TPO: variants seen among roughly 807,000 people sequenced by gnomAD.
The protein encoded by TPO is thyroid microsomal antigen.
Under a neutral mutation model 96.9 loss-of-function variants are expected in TPO, and 78 were observed. That is an observed-to-expected ratio of 0.81 (90% CI 0.67 to 0.97). TPO has a LOEUF of 0.97. TPO is among the 50% of genes least tolerant of loss of function. The probability of loss-of-function intolerance (pLI) is 0.00; values close to 1 mark genes in which losing one functional copy is unlikely to be tolerated. For missense variants in TPO, 1,252 were observed against 1,274.8 expected (o/e 0.98, Z 0.27); for synonymous variants, 547 against 538.0 (o/e 1.02, Z -0.23).
At chr2:1,374,242 G>A (rs1418194742) in exon 1 of TPO, 1 of 152,196 alleles carries the variant, frequency 6.6e-6, no homozygotes, top group Non-Finnish European at 1.5e-5. Context: ...TACAAGGATT[G>A]AAGGCAATGG....
In TPO at chr2:1,533,873, C is replaced by A. The variant is rs1397789429; in HGVS notation, c.2619-6721C>A. On this transcript the variant is annotated intron_variant, in intron 15 of 16. Coordinates refer to ENST00000329066, the MANE Select transcript of TPO (RefSeq NM_001206744.2). ...TAGCTTTGTGAAACCTCCCCAAATC[C>A]CCCCCACTCTGTGTGCAACCTCCCC... Among the ~76,000 whole-genome samples, 2 of 103,566 alleles carry A rather than the reference C, an allele frequency of 1.9e-5. 1 individual carries two copies. Among genetic ancestry groups the A allele is most frequent in the Non-Finnish European group, 4.1e-5 (2 of 48,620 alleles). 67.9% of individuals were successfully genotyped at this position (103,566 alleles called of 152,430 possible). A position where few individuals can be genotyped will look rare whatever the true frequency, so the allele number is the denominator to read the frequency against.
At chr2:1,457,607 T>C (rs111595513) in intron 7 of TPO, among the ~76,000 whole-genome samples, 8 of 150,428 alleles carry the variant, frequency 5.3e-5, no homozygotes, top group African/African-American at 4.9e-5. Context: ...ATGTAGCATG[T>C]ATGATAGTGT....
chr2:1,437,750 G>A (rs569741692), intron 5 of TPO, among the ~76,000 whole-genome samples: 6 of 152,282 alleles, frequency 3.9e-5, no homozygotes, highest in South Asian at 2.1e-4. Flanking sequence ...GCGGAGCCCC[G>A]GCTGGAAGAG....
At chr2:1,522,640 C>G (rs1004455828) in intron 15 of TPO, among the ~76,000 whole-genome samples, 10 of 152,110 alleles carry the variant, frequency 6.6e-5, no homozygotes, top group Non-Finnish European at 1.3e-4. Context: ...AATACTCCCT[C>G]CTTATCATCT....
intron 1 of TPO, among the ~76,000 whole-genome samples, chr2:1,378,732 G>A (rs1000909942): frequency 3.9e-5 from 6 of 152,200 alleles, no homozygotes; most frequent in Admixed American, 1.3e-4. Flanking sequence ...TGGGAATGCC[G>A]TGCACCCGGC....
intron 3 of TPO, 106 bp from the exon 4 acceptor site, chr2:1,433,331 TG>T: frequency 1.4e-6 from 2 of 1,424,618 alleles, no homozygotes; most frequent in Non-Finnish European, 1.9e-6. Context: ...TCACATTGTC[TG>T]GGACACAGTA....
intron 15 of TPO, among the ~76,000 whole-genome samples, chr2:1,536,995 A>ACCT (rs1553341591): frequency 1.5e-4 from 5 of 34,184 alleles, no homozygotes; most frequent in African/African-American, 5.4e-4. Context: ...ACTGTGTGCA[A>ACCT]CCTCAAATCC....
chr2:1,510,112 A>C (rs1673942010), intron 14 of TPO, among the ~76,000 whole-genome samples: 1 of 152,198 alleles, frequency 6.6e-6, no homozygotes, highest in African/African-American at 2.4e-5. Flanking sequence ...CTTCCTTTCA[A>C]ACCAGAGCAC....
chr2:1,384,594 G>A (rs1661858553), intron 1 of TPO, among the ~76,000 whole-genome samples: 1 of 152,156 alleles, frequency 6.6e-6, no homozygotes, highest in African/African-American at 2.4e-5. Context: ...TTGCTTATCA[G>A]CTTAAGGAGA....
chr2:1,446,106 C>T (rs2148548868), intron 5 of TPO, among the ~76,000 whole-genome samples: 1 of 152,266 alleles, frequency 6.6e-6, no homozygotes, highest in South Asian at 2.1e-4. Flanking sequence ...CATGGGCCTG[C>T]ACCCCCAGAT....
At chr2:1,529,367 C>T (rs1677460043) in intron 15 of TPO, among the ~76,000 whole-genome samples, 1 of 88,358 alleles carries the variant, frequency 1.1e-5, no homozygotes, top group Non-Finnish European at 2.1e-5. Flanking sequence ...AATCCCCCCA[C>T]TATGTGCAAC....
chr2:1,433,656 G>A (rs2148491335), intron 4 of TPO, 49 bp downstream of exon 4: 2 of 1,589,940 alleles, frequency 1.3e-6, no homozygotes, highest in East Asian at 2.3e-5. Context: ...CCCGAAGGAG[G>A]ACACCTTGAC....
chr2:1,482,086 A>G lies in TPO; in HGVS notation c.1339-2510A>G, dbSNP rs143163639. 2.8e-3 allele frequency among the ~76,000 whole-genome samples: 423 copies of G among 152,286 alleles called. 1 individual carries two copies. Among genetic ancestry groups the G allele is most frequent in the Non-Finnish European group, 5.1e-3 (350 of 68,024 alleles). ...ATAGGGCATGTTTGAGAAAATGCTG[A>G]GTGATGTTCTGCGTAGAGCAGGGTA... is the stretch of plus-strand genomic sequence containing the variant. On this transcript the variant is annotated intron_variant, in intron 8 of 16. Coordinates refer to ENST00000329066, the MANE Select transcript of TPO (RefSeq NM_001206744.2).
chr2:1,394,427 G>T (rs1263956871), intron 1 of TPO, among the ~76,000 whole-genome samples: 2 of 152,326 alleles, frequency 1.3e-5, no homozygotes, highest in East Asian at 3.9e-4. Context: ...AATACGGGCT[G>T]GCCCAGCCAC....
chr2:1,503,802 G>A, intron 13 of TPO, 146 bp from the exon 14 acceptor site: 1 of 1,458,784 alleles, frequency 6.9e-7, no homozygotes, highest in South Asian at 1.2e-5. Context: ...GGGAGCAGGG[G>A]GCGGCCGGTT....
At chr2:1,479,812 C>T (rs1289628433) in intron 8 of TPO, among the ~76,000 whole-genome samples, 2 of 151,172 alleles carry the variant, frequency 1.3e-5, no homozygotes, top group African/African-American at 4.9e-5. Context: ...GAGACAGTCT[C>T]ACTCTGTCAC....
At chr2:1,393,182 C>T (rs1042515008) in intron 1 of TPO, among the ~76,000 whole-genome samples, 2 of 152,124 alleles carry the variant, frequency 1.3e-5, no homozygotes, top group South Asian at 2.1e-4. Context: ...GCAGAGGGAG[C>T]GAGGCGTCTC....
At chr2:1,387,705 T>C (rs962215757) in intron 1 of TPO, among the ~76,000 whole-genome samples, 3 of 152,260 alleles carry the variant, frequency 2.0e-5, no homozygotes, top group African/African-American at 7.2e-5. Flanking sequence ...CTTTCTTCTC[T>C]CAGCTCGTCA....
intron 13 of TPO, among the ~76,000 whole-genome samples, chr2:1,498,788 T>C (rs985132203): frequency 1.3e-5 from 2 of 152,196 alleles, no homozygotes; most frequent in Non-Finnish European, 2.9e-5. Context: ...CTCCTGACCA[T>C]AGGCTCTGCC....
Sources: allele counts gnomAD v4.1 joint callset (sites outside exome capture counted in the v4.1 genomes callset), GRCh38; gene constraint gnomAD v4.1.1; transcripts MANE v1.5; gene names NCBI Gene and HGNC (gene_info 2026-07-23, HGNC 2026-07-21).